Variants in PABPC4L observed in about 807,000 individuals in gnomAD.
The protein encoded by PABPC4L is poly(A) binding protein cytoplasmic 4 like, also known as polyadenylate-binding protein 4-like.
For missense variants in PABPC4L, 452 were observed against 451.4 expected (o/e 1.00, Z -0.01); for synonymous variants, 169 against 164.1 (o/e 1.03, Z -0.23).
the PABPC4L span, among the ~76,000 whole-genome samples, chr4:134,070,614 C>T: frequency 2.0e-5 from 3 of 151,992 alleles, no homozygotes; most frequent in Admixed American, 1.3e-4. Context: ...GTGTGGTCTG[C>T]CCACCCAGAC....
the PABPC4L span, among the ~76,000 whole-genome samples, chr4:133,956,921 A>T: frequency 2.0e-5 from 3 of 152,290 alleles, no homozygotes; most frequent in Admixed American, 2.0e-4. Context: ...CCTATGATTC[A>T]ATTACTTCCC....
chr4:134,022,995 G>A, the PABPC4L span, among the ~76,000 whole-genome samples: 1 of 126,492 alleles, frequency 7.9e-6, no homozygotes, highest in African/African-American at 3.5e-5. Context: ...AATTAAGGGG[G>A]AAAAGACTTT....
chr4:134,059,935 C>T, the PABPC4L span, among the ~76,000 whole-genome samples: 1 of 152,076 alleles, frequency 6.6e-6, no homozygotes, highest in Admixed American at 6.6e-5. Flanking sequence ...CTAAAAGAAG[C>T]ACTGAAAAGC....
chr4:134,110,226 T>C, the PABPC4L span, among the ~76,000 whole-genome samples: 1 of 151,984 alleles, frequency 6.6e-6, no homozygotes, highest in Non-Finnish European at 1.5e-5. Context: ...AAGTATACTA[T>C]AATTACTGAA....
At chr4:134,006,037 T>A in the PABPC4L span, among the ~76,000 whole-genome samples, 3 of 151,928 alleles carry the variant, frequency 2.0e-5, no homozygotes, top group Admixed American at 6.6e-5. Context: ...TTGTGTAATA[T>A]GTATGTGAAA....
chr4:134,077,850 A>G, the PABPC4L span, among the ~76,000 whole-genome samples: 1 of 152,148 alleles, frequency 6.6e-6, no homozygotes, highest in East Asian at 1.9e-4. Context: ...TATGTGACAC[A>G]TGGAATCTGA....
At chr4:134,085,054 C>T in the PABPC4L span, among the ~76,000 whole-genome samples, 3 of 152,030 alleles carry the variant, frequency 2.0e-5, no homozygotes, top group East Asian at 1.9e-4. Flanking sequence ...GCAAATGGTG[C>T]GAATTTCCTG....
At chr4:134,147,200 T>C in the PABPC4L span, among the ~76,000 whole-genome samples, 1 of 152,114 alleles carries the variant, frequency 6.6e-6, no homozygotes, top group Non-Finnish European at 1.5e-5. Flanking sequence ...CAACAACTCA[T>C]AGTTTCGTAT....
At chr4:133,969,699 T>G in the PABPC4L span, among the ~76,000 whole-genome samples, 1 of 152,190 alleles carries the variant, frequency 6.6e-6, no homozygotes, top group African/African-American at 2.4e-5. Flanking sequence ...GGGAAGGGTG[T>G]TGTTCCCATA....
the PABPC4L span, among the ~76,000 whole-genome samples, chr4:134,048,342 A>C: frequency 6.6e-6 from 1 of 152,116 alleles, no homozygotes. Context: ...TCTCAATTGA[A>C]ATTTTCATTC....
chr4:134,115,273 A>T, the PABPC4L span, among the ~76,000 whole-genome samples: 19 of 151,982 alleles, frequency 1.3e-4, no homozygotes, highest in East Asian at 3.5e-3. Flanking sequence ...TCAAATAGTG[A>T]TGAGGCAAAC....
the PABPC4L span, among the ~76,000 whole-genome samples, chr4:134,123,075 C>A: frequency 2.6e-5 from 4 of 151,922 alleles, no homozygotes; most frequent in African/African-American, 9.7e-5. Context: ...GGTTAGGTAC[C>A]TGTGAGCCTC....
chr4:134,033,623 A>C, the PABPC4L span, among the ~76,000 whole-genome samples: 1 of 151,914 alleles, frequency 6.6e-6, no homozygotes, highest in African/African-American at 2.4e-5. Context: ...TTTATTTCTA[A>C]TATGAAGAAA....
chr4:134,039,973 CAA>C, the PABPC4L span, among the ~76,000 whole-genome samples: 1 of 151,146 alleles, frequency 6.6e-6, no homozygotes, highest in East Asian at 2.0e-4. Flanking sequence ...ACAATTGCTA[CAA>C]AAAAAATAAA....
the PABPC4L span, among the ~76,000 whole-genome samples, chr4:134,096,923 G>A: frequency 6.6e-6 from 1 of 151,896 alleles, no homozygotes; most frequent in Non-Finnish European, 1.5e-5. Context: ...GACTTAAAAA[G>A]TGTTATCTTC....
At chr4:134,047,053 T>G in the PABPC4L span, among the ~76,000 whole-genome samples, 4 of 152,292 alleles carry the variant, frequency 2.6e-5, no homozygotes, top group South Asian at 8.3e-4. Flanking sequence ...AGAGTCTAAG[T>G]CTACAAGCAT....
chr4:133,988,737 T>C, the PABPC4L span, among the ~76,000 whole-genome samples: 1 of 152,174 alleles, frequency 6.6e-6, no homozygotes, highest in African/African-American at 2.4e-5. Context: ...ACAACTTCAC[T>C]ATGCAGTGTG....
the PABPC4L span, among the ~76,000 whole-genome samples, chr4:134,014,424 T>C: frequency 1.3e-5 from 2 of 152,150 alleles, no homozygotes; most frequent in Non-Finnish European, 2.9e-5. Context: ...CCTCCAGAAC[T>C]GCCTCCCCCA....
the PABPC4L span, among the ~76,000 whole-genome samples, chr4:134,153,408 G>A: frequency 6.6e-6 from 1 of 151,758 alleles, no homozygotes; most frequent in East Asian, 1.9e-4. Flanking sequence ...TATTTTCCAT[G>A]CAAATGTCCA....
Sources: gnomAD v4.1 joint callset for allele counts (sites outside exome capture counted in the v4.1 genomes callset) on GRCh38, gnomAD v4.1.1 for gene constraint, MANE v1.5 for transcripts, NCBI Gene and HGNC (gene_info 2026-07-23, HGNC 2026-07-21) for gene names.